Variants in AR observed in about 807,000 individuals in gnomAD.
AR encodes the protein dihydrotestosterone receptor.
In AR, 8 loss-of-function variants were observed where a neutral mutation model predicts 53.9. The observed-to-expected ratio is 0.15, with a 90% CI of 0.09 to 0.27. The LOEUF (loss-of-function observed/expected upper bound fraction) is 0.27. Ranked by LOEUF, AR falls within the 10% of genes least tolerant of loss-of-function variation. The pLI is 1.00. For missense variants in AR, 639 were observed against 742.5 expected (o/e 0.86, Z 1.62); for synonymous variants, 359 against 316.4 (o/e 1.13, Z -1.43).
chrX:67,703,136 G>A (rs1263045274), intron 3 of AR, among the ~76,000 whole-genome samples: 5 of 111,365 alleles, frequency 4.5e-5, no homozygotes, highest in Non-Finnish European at 9.4e-5. Flanking sequence ...TTTCACAGGG[G>A]CCAGACACAG....
chrX:67,655,965 A>T (rs1264695043), intron 2 of AR, among the ~76,000 whole-genome samples: 7 of 111,992 alleles, frequency 6.3e-5, no homozygotes, highest in African/African-American at 1.9e-4. Flanking sequence ...ATTTATACGG[A>T]TAATTTGATA....
intron 1 of AR, among the ~76,000 whole-genome samples, chrX:67,618,050 C>T (rs1269727335): frequency 4.5e-5 from 5 of 112,060 alleles, no homozygotes; most frequent in African/African-American, 1.6e-4. Flanking sequence ...TGACTTTTGC[C>T]TAATTCAAAA....
At chrX:67,693,880 A>G (rs1004783135) in intron 3 of AR, among the ~76,000 whole-genome samples, 10 of 112,177 alleles carry the variant, frequency 8.9e-5, no homozygotes, top group African/African-American at 2.9e-4. Flanking sequence ...CATGGAACCA[A>G]TGCCCCTGTG....
intron 1 of AR, among the ~76,000 whole-genome samples, chrX:67,562,376 G>GTGTGTGTGTGTC (rs1283429517): frequency 1.3e-4 from 14 of 109,295 alleles, no homozygotes; most frequent in African/African-American, 4.7e-4. Flanking sequence ...GTGTGTGTGT[G>GTGTGTGTGTGTC]TGTGTGTGTG....
intron 3 of AR, among the ~76,000 whole-genome samples, chrX:67,707,560 T>C (rs1254970386): frequency 1.8e-5 from 2 of 111,858 alleles, no homozygotes; most frequent in Non-Finnish European, 3.8e-5. Context: ...GTTTCCTGAA[T>C]ACAGCACACT....
chrX:67,711,502 G>A lies in AR; in HGVS notation c.1986G>A (p.Val662=), dbSNP rs1159044172. 8.3e-7 allele frequency: 1 copy of A among 1,211,187 alleles called. No individual in the cohort carries two copies. The highest frequency in any genetic ancestry group is 2.2e-5 in the Admixed American group (1 of 45,976). Residue 662 remains valine, a synonymous_variant, in exon 4 of 8, where the codon GTG becomes GTA. Transcript: ENST00000374690. ...AGGAGACAACCCAGAAGCTGACAGT[G>A]TCACACATTGAAGGCTATGAATGTC... ...PTEETTQKLT[V]SHIEGYECQP... is the part of the protein sequence containing the mutation.
At chrX:67,670,636 T>G (rs1455005815) in intron 2 of AR, among the ~76,000 whole-genome samples, 1 of 109,626 alleles carries the variant, frequency 9.1e-6, no homozygotes, top group Non-Finnish European at 1.9e-5. Context: ...CTGGGATACA[T>G]GTGCAGAACG....
chrX:67,604,686 G>T (rs1296596543), intron 1 of AR, among the ~76,000 whole-genome samples: 1 of 111,450 alleles, frequency 9.0e-6, no homozygotes. Flanking sequence ...TGAGGTTCAA[G>T]AATTGACATT....
At chrX:67,719,309 G>A (rs896843245) in intron 5 of AR, among the ~76,000 whole-genome samples, 27 of 112,079 alleles carry the variant, frequency 2.4e-4, no homozygotes, top group Admixed American at 9.4e-5. Flanking sequence ...TTAAACCCCT[G>A]CTGCCCTTAA....
chrX:67,658,740 G>GTCCAAA (rs1926710465), intron 2 of AR, among the ~76,000 whole-genome samples: 2 of 111,974 alleles, frequency 1.8e-5, no homozygotes, highest in Non-Finnish European at 3.8e-5. Context: ...CACCTTCTTT[G>GTCCAAA]GACATTAGAA....
chrX:67,711,775 T>A (rs2147525683), intron 4 of AR, 86 bp downstream of exon 4: 1 of 972,485 alleles, frequency 1.0e-6, no homozygotes, highest in Non-Finnish European at 1.4e-6. Flanking sequence ...GTCTGGTGCT[T>A]TTCTGCCCAT....
chrX:67,681,804 A>G (rs1483868587), intron 2 of AR, among the ~76,000 whole-genome samples: 1 of 112,281 alleles, frequency 8.9e-6, no homozygotes, highest in Admixed American at 9.4e-5. Context: ...TGGATGTGAT[A>G]CAACCAAAAA....
rs758038741 is a variant in AR, at chrX:67,685,256, G to A, written c.1769-754G>A. 4.5e-5 allele frequency among the ~76,000 whole-genome samples: 5 copies of A among 111,975 alleles called. No individual in the cohort carries two copies. The South Asian group carries it at 1.9e-3, about 41-fold the overall frequency. On this transcript the variant is annotated intron_variant, in intron 2 of 7. Transcript: ENST00000374690. ...GATTGTGCTAGCGTAAAGGAGCAAA[G>A]TATTGAGCAAAATATGTTTGAGCAG... is the stretch of plus-strand genomic sequence containing the variant.
At chrX:67,723,308 C>CTGTGTGTG (rs1473926812) in intron 7 of AR, among the ~76,000 whole-genome samples, 3 of 14,604 alleles carry the variant, frequency 2.1e-4, no homozygotes, top group African/African-American at 3.7e-4. Context: ...GTGAGTTTGT[C>CTGTGTGTG]TGTCTGTGTG....
intron 6 of AR, among the ~76,000 whole-genome samples, chrX:67,722,325 G>A (rs759446639): frequency 8.9e-6 from 1 of 111,794 alleles, no homozygotes; most frequent in East Asian, 2.8e-4. Context: ...AGTAGAGCAG[G>A]AGGCATTTCC....
At chrX:67,688,517 G>T (rs930023553) in intron 3 of AR, among the ~76,000 whole-genome samples, 3 of 111,512 alleles carry the variant, frequency 2.7e-5, no homozygotes, top group Non-Finnish European at 3.8e-5. Flanking sequence ...CTTCCCGATG[G>T]CTTTTACCCT....
rs1311968550 is a variant in AR, at chrX:67,685,792, C to T, written c.1769-218C>T. On this transcript the variant is annotated intron_variant, in intron 2 of 7. Transcript: ENST00000374690. The stretch of plus-strand genomic sequence containing the variant: ...TCATCAGGATCTGAATTGTTCATCC[C>T]TAAAAAAAACACCAATGGAAATCAA... The T allele has an allele frequency of 8.5e-6, 4 of 472,754 alleles. No homozygotes were observed. The South Asian group carries it at 1.1e-4, about 12-fold the overall frequency. 39.0% of individuals were successfully genotyped at this position (472,754 alleles called of 1,213,427 possible).
rs187592826 is a variant in AR at position 67,566,907 on chromosome X, C to A, written c.1616+20145C>A. Among the ~76,000 whole-genome samples, 4 of 111,515 alleles carry A rather than the reference C, an allele frequency of 3.6e-5. No individual in the cohort carries two copies. In the East Asian group the frequency reaches 1.1e-3, roughly 32 times the overall value. ...TAATCTTTACTTTGATCCTAGGTAG[C>A]TCTTATTAGTTCCACTTTATAGGTA... On this transcript the variant is annotated intron_variant, in intron 1 of 7. Coordinates refer to ENST00000374690, the MANE Select transcript of AR (RefSeq NM_000044.6).
At chrX:67,673,769 A>G (rs1470425709) in intron 2 of AR, among the ~76,000 whole-genome samples, 4 of 109,678 alleles carry the variant, frequency 3.6e-5, no homozygotes, top group East Asian at 2.9e-4. Flanking sequence ...ACATATCTCT[A>G]TTTTTCCAGG....
Sources: gnomAD v4.1 joint callset for allele counts (sites outside exome capture counted in the v4.1 genomes callset) on GRCh38, gnomAD v4.1.1 for gene constraint, MANE v1.5 for transcripts, NCBI Gene and HGNC (gene_info 2026-07-23, HGNC 2026-07-21) for gene names.